The following FRAS1 variants were observed in gnomAD, a reference collection of about 807,000 sequenced individuals.
The protein encoded by FRAS1 is extracellular matrix organizing protein FRAS1.
In FRAS1, 290 loss-of-function variants were observed where a neutral mutation model predicts 435.2. The observed-to-expected ratio is 0.67, with a 90% CI of 0.61 to 0.73. The LOEUF is 0.73. FRAS1 is among the 30% of genes least tolerant of loss of function. The pLI is 0.00. For synonymous variants in FRAS1, 1,800 were observed against 1,851.0 expected, an observed-to-expected ratio of 0.97 and a Z score of 0.71; for missense variants, 4,860 against 5,001.5, an observed-to-expected ratio of 0.97 and a Z score of 0.85.
At chr4:78,344,073 C>T in intron 20 of FRAS1, among the ~76,000 whole-genome samples, 1 of 110,906 alleles carries the variant, frequency 9.0e-6, no homozygotes, top group African/African-American at 4.8e-5. Flanking sequence ...TCACCAAATC[C>T]TACCCATCCA....
intron 20 of FRAS1, among the ~76,000 whole-genome samples, chr4:78,362,666 G>T (rs1418727117): frequency 2.6e-5 from 4 of 152,210 alleles, no homozygotes; most frequent in African/African-American, 4.8e-5. Flanking sequence ...CCAAGCTCTT[G>T]TCCGGTGTCT....
Position 78,451,798 on chromosome 4 carries a change from G to A in FRAS1, c.6490G>A (p.Gly2164Arg). 2 of 1,612,104 alleles carry A rather than the reference G, an allele frequency of 1.2e-6. No individual in the cohort carries two copies. The highest frequency in any genetic ancestry group is 1.7e-6 in the Non-Finnish European group (2 of 1,178,628). Residue 2164 changes from glycine (G) to arginine (R), a missense_variant, in exon 46 of 74, where the codon GGA (glycine) becomes AGA (arginine). Coordinates refer to ENST00000512123, the MANE Select transcript of FRAS1 (RefSeq NM_025074.7). The part of the protein sequence containing the change: ...QGHVEYSHGT[G>R]EPGGSFAFKF... ...CCACGTAGAATATAGTCATGGAACA[G>A]GAGAACCTGGAGGGAGCTTTGCTTT...
At position 78,542,273 on chromosome 4, in the gene FRAS1, T is replaced by C. The variant is rs1722082202; in HGVS notation, c.*1149T>C. 6.6e-6 allele frequency: 1 copy of C among 152,228 alleles called. No homozygotes were observed. The highest frequency in any genetic ancestry group is 2.4e-5 in the African/African-American group (1 of 41,450). The allele number at this position is 152,228 out of a possible 1,614,324, so 9.4% of individuals were successfully genotyped here. On this transcript the variant is annotated 3_prime_UTR_variant, in exon 74 of 74. Coordinates refer to ENST00000512123, the MANE Select transcript of FRAS1 (RefSeq NM_025074.7). ...GGTTCTTTTCTGGTAGCTCAGGCAA[T>C]TATTTTTACCATATCAGCACATGAC...
intron 2 of FRAS1, among the ~76,000 whole-genome samples, chr4:78,138,796 T>G (rs17453559): frequency 6.6e-6 from 1 of 152,192 alleles, no homozygotes; most frequent in Non-Finnish European, 1.5e-5. Flanking sequence ...TCTATCAGAG[T>G]AAGCATTTGA....
chr4:78,095,759 C>T (rs1296637076), intron 2 of FRAS1, among the ~76,000 whole-genome samples: 1 of 152,208 alleles, frequency 6.6e-6, no homozygotes, highest in Admixed American at 6.5e-5. Context: ...CAGGAAAGAC[C>T]TGCCCCCATG....
intron 2 of FRAS1, among the ~76,000 whole-genome samples, chr4:78,228,176 CT>C (rs1465023737): frequency 6.6e-6 from 1 of 152,078 alleles, no homozygotes; most frequent in Non-Finnish European, 1.5e-5. Flanking sequence ...TGAATGTTTA[CT>C]TTTTTCCCCC....
At position 78,309,291 on chromosome 4, in the gene FRAS1, T is replaced by C. The variant is rs894120428; in HGVS notation, c.1678+1082T>C. On this transcript the variant is annotated intron_variant, in intron 15 of 73. Transcript: ENST00000512123. ...ACTTCTAGAACTATAAGATGATAAG[T>C]CTGTGTTGTTTTAAGCCAAAGAGTT... Among the ~76,000 whole-genome samples, 17 of 152,204 alleles carry C rather than the reference T, an allele frequency of 1.1e-4. 1 individual carries two copies. Among genetic ancestry groups the C allele is most frequent in the African/African-American group, 3.9e-4 (16 of 41,450 alleles).
At chr4:78,203,302 G>A (rs1723119072) in intron 2 of FRAS1, among the ~76,000 whole-genome samples, 1 of 152,160 alleles carries the variant, frequency 6.6e-6, no homozygotes. Flanking sequence ...AAAGGTAACT[G>A]AGGGATAAAG....
intron 7 of FRAS1, among the ~76,000 whole-genome samples, chr4:78,266,476 G>A (rs2110154186): frequency 6.6e-6 from 1 of 152,318 alleles, no homozygotes; most frequent in Admixed American, 6.5e-5. Flanking sequence ...TGAGTATATG[G>A]CAGTGAGGGC....
intron 47 of FRAS1, among the ~76,000 whole-genome samples, chr4:78,457,044 G>C: frequency 6.6e-6 from 1 of 152,146 alleles, no homozygotes; most frequent in East Asian, 1.9e-4. Context: ...CGTGCTGGAT[G>C]CCCCTCACCA....
intron 22 of FRAS1, among the ~76,000 whole-genome samples, chr4:78,365,192 T>A (rs939415147): frequency 6.6e-6 from 1 of 152,220 alleles, no homozygotes; most frequent in African/African-American, 2.4e-5. Context: ...TTTATTGAGA[T>A]CCTTGCAAAG....
At chr4:78,124,884 T>G (rs1477202387) in intron 2 of FRAS1, among the ~76,000 whole-genome samples, 1 of 152,206 alleles carries the variant, frequency 6.6e-6, no homozygotes, top group African/African-American at 2.4e-5. Flanking sequence ...TCACTTTTAC[T>G]CTTTATTAGT....
intron 14 of FRAS1, among the ~76,000 whole-genome samples, chr4:78,301,572 G>C (rs933940918): frequency 1.3e-5 from 2 of 152,196 alleles, no homozygotes; most frequent in Non-Finnish European, 2.9e-5. Context: ...TGGGTCCTCA[G>C]AAGGTTGAAT....
chr4:78,498,676 T>A (rs1720582916), intron 60 of FRAS1, among the ~76,000 whole-genome samples: 1 of 152,144 alleles, frequency 6.6e-6, no homozygotes, highest in Middle Eastern at 3.4e-3. Flanking sequence ...AAAGTAGAAA[T>A]TTCTGCCATA....
chr4:78,394,035 GT>G (rs1014209556), intron 29 of FRAS1, among the ~76,000 whole-genome samples: 1 of 151,820 alleles, frequency 6.6e-6, no homozygotes, highest in Admixed American at 6.6e-5. Flanking sequence ...ACCTATTTAG[GT>G]TTTTTCCCCA....
At chr4:78,513,220 A>G (rs911860209) in intron 64 of FRAS1, among the ~76,000 whole-genome samples, 172 bp from the exon 65 acceptor site, 1 of 152,178 alleles carries the variant, frequency 6.6e-6, no homozygotes, top group African/African-American at 2.4e-5. Flanking sequence ...CAATGATACT[A>G]TGTGTATATG....
chr4:78,489,016 T>C lies in FRAS1; in HGVS notation c.8894T>C (p.Met2965Thr). Residue 2965 changes from methionine to threonine, a missense_variant, in exon 59 of 74, where the codon ATG (methionine) becomes ACG (threonine). Transcript: ENST00000512123. ...CYTQSHSAQV[M>T]EDFEERQNAD... ...ACTCAGAGCCATTCCGCTCAGGTCA[T>C]GGAGGACTTTGAGGAGAGACAAAAT... The C allele has an allele frequency of 6.2e-7, 1 of 1,613,742 alleles. No homozygotes were observed. Among genetic ancestry groups the C allele is most frequent in the Non-Finnish European group, 8.5e-7 (1 of 1,179,752 alleles).
rs905940780 is a variant in FRAS1 at position 78,304,542 on chromosome 4, C to A, written c.1535-3524C>A. The stretch of plus-strand genomic sequence containing the variant: ...CTATTGATTATTGCCACAATTTCAG[C>A]TCCTGTTATTGGTCTATTCAGAGAT... On this transcript the variant is annotated intron_variant, in intron 14 of 73. Coordinates refer to ENST00000512123, the MANE Select transcript of FRAS1 (RefSeq NM_025074.7). Among the ~76,000 whole-genome samples, 6 of 152,138 alleles carry A rather than the reference C, an allele frequency of 3.9e-5. No homozygotes were observed. The South Asian group carries it at 1.0e-3, about 26-fold the overall frequency.
intron 2 of FRAS1, among the ~76,000 whole-genome samples, chr4:78,185,281 T>C (rs944743455): frequency 1.3e-5 from 2 of 152,244 alleles, no homozygotes; most frequent in African/African-American, 4.8e-5. Flanking sequence ...GTCAACTGAC[T>C]GAAGGGGTTT....
Sources: gnomAD v4.1 joint callset for allele counts (sites outside exome capture counted in the v4.1 genomes callset) on GRCh38, gnomAD v4.1.1 for gene constraint, MANE v1.5 for transcripts, NCBI Gene and HGNC (gene_info 2026-07-23, HGNC 2026-07-21) for gene names.